Variants in EPHA6 observed in about 807,000 individuals in gnomAD.
EPHA6 encodes the protein EPH receptor A6, also known as ephrin type-A receptor 6.
Under a neutral mutation model 112.0 loss-of-function variants are expected in EPHA6, and 50 were observed. The observed-to-expected ratio is 0.45, with a 90% CI of 0.36 to 0.56. EPHA6 has a LOEUF of 0.56. Ranked by LOEUF, EPHA6 falls within the 20% of genes least tolerant of loss-of-function variation. The probability of loss-of-function intolerance (pLI) is 0.00; values close to 1 mark genes in which losing one functional copy is unlikely to be tolerated. For synonymous variants in EPHA6, 529 were observed against 490.7 expected, an observed-to-expected ratio of 1.08 and a Z score of -1.03; for missense variants, 1,280 against 1,417.4, an observed-to-expected ratio of 0.90 and a Z score of 1.56.
Position 97,243,990 on chromosome 3 carries a change from A to G in EPHA6, c.1309A>G (p.Asn437Asp). 1 of 1,611,824 alleles carries G rather than the reference A, an allele frequency of 6.2e-7. No homozygotes were observed. The highest frequency in any genetic ancestry group is 8.5e-7 in the Non-Finnish European group (1 of 1,178,694). ...TCCTAGGAATGTGGTTTTTAACATC[A>G]ATGAAACAGCCCTTATTTTGGAATG... ...SAPRNVVFNINETALILEWSP... is the reference protein window; with the variant it reads ...SAPRNVVFNIDETALILEWSP... Residue 437 changes from asparagine (N) to aspartate (D), a missense_variant, in exon 5 of 18, where the codon AAT becomes GAT. This residue lies in a region of EPHA6 where 878 missense variants were observed against 999.7 expected (regional missense o/e 0.88). Transcript: ENST00000389672.
At chr3:97,676,049 G>A (rs973057829) in intron 14 of EPHA6, among the ~76,000 whole-genome samples, 1 of 152,084 alleles carries the variant, frequency 6.6e-6, no homozygotes, top group Non-Finnish European at 1.5e-5. Context: ...GCTAAATTTT[G>A]GATATGTTAA....
At chr3:97,341,652 A>G (rs1380385965) in intron 5 of EPHA6, among the ~76,000 whole-genome samples, 3 of 152,114 alleles carry the variant, frequency 2.0e-5, no homozygotes, top group African/African-American at 4.8e-5. Context: ...ATTTTAATAT[A>G]TATTAAGTGT....
intron 5 of EPHA6, among the ~76,000 whole-genome samples, chr3:97,325,990 T>C (rs1001788324): frequency 1.3e-5 from 2 of 150,918 alleles, no homozygotes; most frequent in South Asian, 2.1e-4. Context: ...ATAGCAGTGA[T>C]TGAAATATGA....
chr3:97,737,750 A>C (rs958053563), intron 16 of EPHA6, among the ~76,000 whole-genome samples: 1 of 152,210 alleles, frequency 6.6e-6, no homozygotes, highest in Admixed American at 6.5e-5. Flanking sequence ...GATCATCAGC[A>C]TATAGATTAT....
At chr3:97,037,570 A>G (rs2045149976) in intron 3 of EPHA6, among the ~76,000 whole-genome samples, 1 of 152,076 alleles carries the variant, frequency 6.6e-6, no homozygotes, top group Non-Finnish European at 1.5e-5. Context: ...ACAAGATTAA[A>G]TGCCATACTA....
At chr3:96,954,192 G>A (rs191571991) in intron 2 of EPHA6, among the ~76,000 whole-genome samples, 4 of 152,114 alleles carry the variant, frequency 2.6e-5, no homozygotes, top group South Asian at 4.1e-4. Flanking sequence ...CATCTTAACC[G>A]CTGTCCCTTC....
chr3:97,480,035 C>T (rs1344477537), intron 9 of EPHA6, among the ~76,000 whole-genome samples: 2 of 152,248 alleles, frequency 1.3e-5, no homozygotes, highest in African/African-American at 4.8e-5. Context: ...CTCTAATTAA[C>T]CACAGTGTAG....
At chr3:97,368,644 A>T (rs1445585413) in intron 5 of EPHA6, among the ~76,000 whole-genome samples, 6 of 152,198 alleles carry the variant, frequency 3.9e-5, no homozygotes, top group Admixed American at 2.0e-4. Flanking sequence ...TGAATGAATT[A>T]ATGAAATAAC....
intron 1 of EPHA6, among the ~76,000 whole-genome samples, chr3:96,852,192 C>T (rs2035432409): frequency 6.6e-6 from 1 of 151,934 alleles, no homozygotes; most frequent in Non-Finnish European, 1.5e-5. Context: ...GAGTCCAGTG[C>T]TACATCAAGA....
chr3:97,408,978 C>A lies in EPHA6; in HGVS notation c.1731+3704C>A, dbSNP rs531224284. ...AAAAGAATTGATTTCAACCCTCAAT[C>A]CTTGCCTAACACAGCTATTTCCTTT... On this transcript the variant is annotated intron_variant, in intron 6 of 17. Coordinates refer to ENST00000389672, the MANE Select transcript of EPHA6 (RefSeq NM_001080448.3). Among the ~76,000 whole-genome samples the A allele has an allele frequency of 2.8e-3, 428 of 152,234 alleles. 3 individuals carry two copies. The highest frequency in any genetic ancestry group is 9.8e-3 in the African/African-American group (408 of 41,562).
At chr3:97,392,833 T>C (rs1366518815) in intron 5 of EPHA6, among the ~76,000 whole-genome samples, 1 of 151,814 alleles carries the variant, frequency 6.6e-6, no homozygotes, top group Non-Finnish European at 1.5e-5. Flanking sequence ...GCTCTTTTTT[T>C]TTCTGTACTT....
chr3:97,301,028 A>G (rs2081071085), intron 5 of EPHA6, among the ~76,000 whole-genome samples: 1 of 152,050 alleles, frequency 6.6e-6, no homozygotes, highest in Non-Finnish European at 1.5e-5. Context: ...CGTGAGTGAA[A>G]CTATCTGCCC....
intron 3 of EPHA6, among the ~76,000 whole-genome samples, chr3:97,169,744 A>G (rs956278662): frequency 7.9e-5 from 12 of 152,022 alleles, no homozygotes; most frequent in African/African-American, 2.2e-4. Flanking sequence ...ACCTCACCTT[A>G]GTTTTTTCAT....
chr3:97,388,874 C>T (rs1315210023), intron 5 of EPHA6, among the ~76,000 whole-genome samples: 16 of 152,136 alleles, frequency 1.1e-4, no homozygotes, highest in Non-Finnish European at 4.4e-5. Flanking sequence ...GGAAACTGAT[C>T]TGCACAGCTA....
chr3:97,165,109 G>A (rs2076508893), intron 3 of EPHA6, among the ~76,000 whole-genome samples: 1 of 152,078 alleles, frequency 6.6e-6, no homozygotes, highest in South Asian at 2.1e-4. Context: ...AGAAAAACTG[G>A]TCACTTTATT....
At chr3:97,121,214 G>A (rs1024733816) in intron 3 of EPHA6, among the ~76,000 whole-genome samples, 2 of 151,908 alleles carry the variant, frequency 1.3e-5, no homozygotes, top group East Asian at 1.9e-4. Context: ...AGAGAATCTG[G>A]TTACAAAAAC....
chr3:97,231,961 A>C (rs2078539094), intron 4 of EPHA6, among the ~76,000 whole-genome samples: 1 of 152,252 alleles, frequency 6.6e-6, no homozygotes, highest in African/African-American at 2.4e-5. Context: ...ACTTCAGAGA[A>C]ATCTCCTATT....
At chr3:97,242,290 C>G (rs1461941362) in intron 4 of EPHA6, among the ~76,000 whole-genome samples, 1 of 151,820 alleles carries the variant, frequency 6.6e-6, no homozygotes, top group Non-Finnish European at 1.5e-5. Context: ...TCTCCCTCTG[C>G]AGTCTAGCCA....
At chr3:97,642,373 A>T (rs375861963) in intron 14 of EPHA6, among the ~76,000 whole-genome samples, 2 of 137,408 alleles carry the variant, frequency 1.5e-5, no homozygotes, top group Non-Finnish European at 3.1e-5. Flanking sequence ...AACTCTAAAA[A>T]GCAGAGCGCC....
Sources: allele counts gnomAD v4.1 joint callset (sites outside exome capture counted in the v4.1 genomes callset), GRCh38; gene constraint gnomAD v4.1.1; regional missense constraint gnomAD v4.1.1; transcripts MANE v1.5; gene names NCBI Gene and HGNC (gene_info 2026-07-23, HGNC 2026-07-21).